The following CNTNAP5 variants were observed in gnomAD, a reference collection of about 807,000 sequenced individuals.
CNTNAP5 encodes contactin-associated protein-like 5.
Under a neutral mutation model 150.2 loss-of-function variants are expected in CNTNAP5, and 72 were observed. That is an observed-to-expected ratio of 0.48 (90% confidence interval 0.40 to 0.58). The LOEUF is 0.58. Ranked by LOEUF, CNTNAP5 falls within the 20% of genes least tolerant of loss-of-function variation. The probability of loss-of-function intolerance (pLI) is 0.00; values close to 1 mark genes in which losing one functional copy is unlikely to be tolerated. For synonymous variants in CNTNAP5, 672 were observed against 619.8 expected, an observed-to-expected ratio of 1.08 and a Z score of -1.25; for missense variants, 1,636 against 1,626.2, an observed-to-expected ratio of 1.01 and a Z score of -0.10.
intron 11 of CNTNAP5, among the ~76,000 whole-genome samples, chr2:124,584,048 C>A (rs767710456): frequency 9.9e-5 from 15 of 152,178 alleles, no homozygotes; most frequent in Non-Finnish European, 2.2e-4. Context: ...AAGACAACAG[C>A]TTTCCAGAGA....
chr2:124,344,845 T>C (rs1316903670), intron 3 of CNTNAP5, among the ~76,000 whole-genome samples: 1 of 152,122 alleles, frequency 6.6e-6, no homozygotes, highest in African/African-American at 2.4e-5. Flanking sequence ...ATTTCATGTC[T>C]CACATGCTGG....
intron 12 of CNTNAP5, among the ~76,000 whole-genome samples, chr2:124,618,628 A>T (rs990807159): frequency 1.3e-5 from 2 of 152,116 alleles, no homozygotes; most frequent in African/African-American, 4.8e-5. Context: ...AGAATCGAGA[A>T]TGCAGGAGTG....
intron 13 of CNTNAP5, among the ~76,000 whole-genome samples, chr2:124,672,804 TCAAGTGAC>T (rs1156763937): frequency 3.3e-5 from 5 of 152,102 alleles, no homozygotes; most frequent in Non-Finnish European, 5.9e-5. Context: ...GGAAACTATT[TCAAGTGAC>T]CAAGAAGATT....
chr2:124,042,183 T>G (rs1050351787), intron 1 of CNTNAP5, among the ~76,000 whole-genome samples: 1 of 152,018 alleles, frequency 6.6e-6, no homozygotes, highest in Non-Finnish European at 1.5e-5. Context: ...TTAAAAGAGG[T>G]TTTCTTCCAG....
intron 3 of CNTNAP5, among the ~76,000 whole-genome samples, chr2:124,391,824 C>T (rs2104749158): frequency 6.6e-6 from 1 of 152,146 alleles, no homozygotes; most frequent in South Asian, 2.1e-4. Flanking sequence ...GGCGCGGTGG[C>T]GGGCGCCTGT....
At chr2:124,350,692 T>C (rs1426160771) in intron 3 of CNTNAP5, among the ~76,000 whole-genome samples, 4 of 152,180 alleles carry the variant, frequency 2.6e-5, no homozygotes, top group African/African-American at 7.2e-5. Context: ...CTATAATTTC[T>C]AAATCAAATT....
At chr2:124,128,759 T>A (rs928646393) in intron 1 of CNTNAP5, among the ~76,000 whole-genome samples, 3 of 152,252 alleles carry the variant, frequency 2.0e-5, no homozygotes, top group Non-Finnish European at 4.4e-5. Context: ...ATGTCCTTTG[T>A]AGGGACATGG....
intron 13 of CNTNAP5, among the ~76,000 whole-genome samples, chr2:124,690,027 T>C (rs1044478887): frequency 6.6e-6 from 1 of 151,988 alleles, no homozygotes; most frequent in East Asian, 1.9e-4. Context: ...ACGGGAAATT[T>C]TTTTTTGTAA....
At chr2:124,155,075 G>GTTTTTTTTTTT (rs36194209) in intron 1 of CNTNAP5, among the ~76,000 whole-genome samples, 1 of 81,374 alleles carries the variant, frequency 1.2e-5, no homozygotes, top group Non-Finnish European at 2.3e-5. Flanking sequence ...AACCATTCCC[G>GTTTTTTTTTTT]TTTTTTTTTT....
At chr2:124,545,508 G>T (rs1695491927) in intron 10 of CNTNAP5, among the ~76,000 whole-genome samples, 1 of 152,004 alleles carries the variant, frequency 6.6e-6, no homozygotes, top group South Asian at 2.1e-4. Context: ...TGGAAATATT[G>T]GTCCCTTTGA....
intron 3 of CNTNAP5, among the ~76,000 whole-genome samples, chr2:124,339,149 A>G (rs764866254): frequency 1.1e-4 from 17 of 152,164 alleles, no homozygotes; most frequent in Non-Finnish European, 1.8e-4. Flanking sequence ...TTACATAAAG[A>G]AAGTTCTTGG....
intron 3 of CNTNAP5, among the ~76,000 whole-genome samples, chr2:124,321,961 C>T (rs561974983): frequency 1.2e-4 from 18 of 152,134 alleles, no homozygotes; most frequent in African/African-American, 4.3e-4. Flanking sequence ...ACCAGCCTGA[C>T]CAACATGGTG....
chr2:124,161,959 A>C (rs1172956408), intron 1 of CNTNAP5, among the ~76,000 whole-genome samples: 1 of 152,212 alleles, frequency 6.6e-6, no homozygotes, highest in East Asian at 1.9e-4. Context: ...AAGAGTTGAG[A>C]AAACAAAGCA....
chr2:124,220,840 G>A (rs936276377), intron 1 of CNTNAP5, among the ~76,000 whole-genome samples: 1 of 152,088 alleles, frequency 6.6e-6, no homozygotes, highest in Non-Finnish European at 1.5e-5. Flanking sequence ...TTGTTACAAT[G>A]ACATTAGATC....
At chr2:124,569,857 T>G (rs2104937893) in intron 11 of CNTNAP5, among the ~76,000 whole-genome samples, 1 of 152,338 alleles carries the variant, frequency 6.6e-6, no homozygotes, top group Middle Eastern at 3.4e-3. Flanking sequence ...ATAGTAATCA[T>G]TGCAGAGGGA....
chr2:124,102,417 G>A (rs866135942), intron 1 of CNTNAP5, among the ~76,000 whole-genome samples: 3 of 152,106 alleles, frequency 2.0e-5, no homozygotes, highest in Non-Finnish European at 4.4e-5. Flanking sequence ...GGAACACAGC[G>A]CCAGAAGTTC....
chr2:124,447,068 C>T (rs2104806718), intron 6 of CNTNAP5, 131 bp downstream of exon 6: 1 of 803,662 alleles, frequency 1.2e-6, no homozygotes, highest in South Asian at 1.8e-5. Context: ...TTACTTCCTC[C>T]ATCTATGCCA....
chr2:124,109,594 A>G (rs1683249767), intron 1 of CNTNAP5, among the ~76,000 whole-genome samples: 1 of 152,164 alleles, frequency 6.6e-6, no homozygotes, highest in South Asian at 2.1e-4. Flanking sequence ...GTACCTGGAA[A>G]CCAGAGACCG....
chr2:124,623,668 AT>A lies in CNTNAP5; in HGVS notation c.1876+13749del, dbSNP rs576741574. Among the ~76,000 whole-genome samples, 113 of 152,282 alleles carry A rather than the reference AT, an allele frequency of 7.4e-4. 1 individual carries two copies. In the South Asian group the frequency reaches 0.023, roughly 31 times the overall value. On this transcript the variant is annotated intron_variant, in intron 12 of 23. Transcript: ENST00000682447. The stretch of plus-strand genomic sequence containing the variant: ...AGAGAAGGTGGGAAAGAAAGCCTAG[AT>A]CCTTCTCCTTATCTTCTTTTGCCTT...
Sources: gnomAD v4.1 joint callset for allele counts (sites outside exome capture counted in the v4.1 genomes callset) on GRCh38, gnomAD v4.1.1 for gene constraint, MANE v1.5 for transcripts, NCBI Gene and HGNC (gene_info 2026-07-23, HGNC 2026-07-21) for gene names.